MEMO1: variants seen among roughly 807,000 people sequenced by gnomAD.
MEMO1 encodes protein MEMO1.
In MEMO1, 6 loss-of-function variants were observed where a neutral mutation model predicts 45.2. The ratio of observed to expected loss-of-function variants is 0.13; its 90% CI spans 0.07 to 0.26. MEMO1 has a LOEUF of 0.26. MEMO1 is among the 10% of genes least tolerant of loss of function. The pLI, the probability that MEMO1 is intolerant of heterozygous loss-of-function variation, is 1.00. For missense variants in MEMO1, 184 were observed against 370.5 expected (o/e 0.50, Z 4.13); for synonymous variants, 78 against 124.3 (o/e 0.63, Z 2.48).
intron 3 of MEMO1, among the ~76,000 whole-genome samples, chr2:31,933,352 T>TAAAAAAAAAAAAA (rs1558514359): frequency 3.3e-4 from 4 of 12,218 alleles, no homozygotes; most frequent in East Asian, 7.3e-3. Context: ...AAAAAAAATT[T>TAAAAAAAAAAAAA]ATATATATAT....
chr2:31,964,643 G>A (rs1261451806), intron 2 of MEMO1, among the ~76,000 whole-genome samples: 1 of 152,104 alleles, frequency 6.6e-6, no homozygotes, highest in Non-Finnish European at 1.5e-5. Flanking sequence ...GGAGGTTGCG[G>A]TGAGCCGAGA....
intron 4 of MEMO1, among the ~76,000 whole-genome samples, chr2:31,928,479 G>A (rs1026906549): frequency 6.6e-6 from 1 of 151,286 alleles, no homozygotes; most frequent in South Asian, 2.1e-4. Flanking sequence ...CTCAGGAGGC[G>A]GAGGTTGCAG....
chr2:31,973,142 T>G (rs1432214413), intron 2 of MEMO1, among the ~76,000 whole-genome samples: 1 of 152,124 alleles, frequency 6.6e-6, no homozygotes, highest in African/African-American at 2.4e-5. Flanking sequence ...AATTCCACTC[T>G]TAGGTATATA....
In MEMO1 at chr2:31,902,101, G is replaced by C. The variant is rs183538995; in HGVS notation, c.438-9967C>G. 7.2e-3 allele frequency among the ~76,000 whole-genome samples: 1,092 copies of C among 151,964 alleles called. 14 individuals are homozygous for C. The highest frequency in any genetic ancestry group is 0.025 in the African/African-American group (1,055 of 41,440). On this transcript the variant is annotated intron_variant, in intron 6 of 9. Transcript: ENST00000404530. ...GTTCAACTCCAGCCTGGACAACATAGCAAGACCCCTAATCTTAAAAACAAA... is the reference window on the plus strand; with the variant it reads ...GTTCAACTCCAGCCTGGACAACATACCAAGACCCCTAATCTTAAAAACAAA...
At chr2:31,914,881 T>C (rs1373452119) in intron 6 of MEMO1, among the ~76,000 whole-genome samples, 1 of 149,920 alleles carries the variant, frequency 6.7e-6, no homozygotes, top group Admixed American at 6.7e-5. Flanking sequence ...CCCTTGAGCC[T>C]AGGAGTTCAA....
At chr2:31,912,801 T>C (rs1391359743) in intron 6 of MEMO1, among the ~76,000 whole-genome samples, 1 of 152,114 alleles carries the variant, frequency 6.6e-6, no homozygotes, top group African/African-American at 2.4e-5. Flanking sequence ...ACTGGCTGAG[T>C]AGAACCAGAA....
At chr2:31,974,668 C>T (rs1669796455) in intron 2 of MEMO1, among the ~76,000 whole-genome samples, 1 of 151,704 alleles carries the variant, frequency 6.6e-6, no homozygotes, top group South Asian at 2.1e-4. Flanking sequence ...CCACTTGAAC[C>T]CAGGGGGGCC....
chr2:32,005,213 A>G (rs1243435702), intron 2 of MEMO1, among the ~76,000 whole-genome samples: 2 of 150,384 alleles, frequency 1.3e-5, no homozygotes, highest in Non-Finnish European at 3.0e-5. Context: ...CCAACACTTA[A>G]GGAGGCTGAA....
At chr2:31,956,042 C>T (rs879636530) in intron 2 of MEMO1, among the ~76,000 whole-genome samples, 2 of 152,132 alleles carry the variant, frequency 1.3e-5, no homozygotes, top group Admixed American at 1.3e-4. Context: ...TAAATCTGGA[C>T]CATAAAAAGC....
intron 2 of MEMO1, among the ~76,000 whole-genome samples, chr2:31,998,556 T>C (rs1672880489): frequency 6.6e-6 from 1 of 152,142 alleles, no homozygotes; most frequent in Non-Finnish European, 1.5e-5. Flanking sequence ...ATCCCAGCAC[T>C]TTGGGAGGAC....
intron 4 of MEMO1, among the ~76,000 whole-genome samples, chr2:31,929,441 T>C (rs1683622939): frequency 6.6e-6 from 1 of 152,216 alleles, no homozygotes; most frequent in Non-Finnish European, 1.5e-5. Flanking sequence ...CAATGTCTCA[T>C]AAACATTAAG....
chr2:31,898,316 G>A (rs543647286), intron 6 of MEMO1, among the ~76,000 whole-genome samples: 32 of 152,002 alleles, frequency 2.1e-4, no homozygotes, highest in African/African-American at 4.3e-4. Flanking sequence ...TTAGGGTGTC[G>A]ATTTTAGATC....
At chr2:31,931,536 C>A (rs540673145) in intron 4 of MEMO1, among the ~76,000 whole-genome samples, 1 of 151,018 alleles carries the variant, frequency 6.6e-6, no homozygotes, top group African/African-American at 2.4e-5. Flanking sequence ...AAAAGAGTCT[C>A]AAGTTCCCAG....
rs1471663411 is a variant in MEMO1, at chr2:31,917,828, C to A, written c.437+98G>T. ...TCAATTTTTTATCTCACATCTTAAT[C>A]TCCTTACCCTGATAATTACTAGGAT... On this transcript the variant is annotated intron_variant, in intron 6 of 9. Transcript: ENST00000404530. The A allele has an allele frequency of 4.3e-6, 3 of 698,946 alleles. No homozygotes were observed. In the African/African-American group the frequency reaches 5.9e-5, roughly 14 times the overall value. The allele number at this position is 698,946 out of a possible 1,614,324, so 43.3% of individuals were successfully genotyped here.
intron 8 of MEMO1, 131 bp downstream of exon 8, chr2:31,883,255 G>C (rs1675682005): frequency 1.5e-6 from 1 of 671,470 alleles, no homozygotes; most frequent in East Asian, 2.9e-5. Context: ...TTTATATGAT[G>C]ACACATTGCA....
chr2:31,948,287 A>C lies in MEMO1; in HGVS notation c.62-4904T>G, dbSNP rs1666416053. On this transcript the variant is annotated intron_variant, in intron 2 of 9. Transcript: ENST00000404530. ...ACAAGGGAGCCTTCTAGTGTTGCTG[A>C]AACTATTCTACATATGTAATTTAAA... is the stretch of plus-strand genomic sequence containing the variant. Among the ~76,000 whole-genome samples the C allele has an allele frequency of 2.0e-5, 3 of 152,240 alleles. No individual in the cohort carries two copies. The South Asian group carries it at 6.2e-4, about 31-fold the overall frequency.
rs148881241 is a variant in MEMO1 at position 31,906,846 on chromosome 2, T to A, written c.437+11080A>T. 7.4e-3 allele frequency among the ~76,000 whole-genome samples: 1,129 copies of A among 152,326 alleles called. 15 individuals carry two copies. Among genetic ancestry groups the A allele is most frequent in the African/African-American group, 0.026 (1,091 of 41,570 alleles). On this transcript the variant is annotated intron_variant, in intron 6 of 9. Transcript: ENST00000404530. The stretch of plus-strand genomic sequence containing the variant: ...AATGCCTCCAGCCCCAGGGTGGTGT[T>A]ACGTATGTGTGAAAAGGTAGACAAG...
rs1206767161 is a variant in MEMO1 at position 31,900,123 on chromosome 2, G to A, written c.438-7989C>T. 2.6e-5 allele frequency among the ~76,000 whole-genome samples: 4 copies of A among 152,178 alleles called. No individual in the cohort carries two copies. In the East Asian group the frequency reaches 5.8e-4, roughly 22 times the overall value. On this transcript the variant is annotated intron_variant, in intron 6 of 9. Transcript: ENST00000404530. ...CAACCATTGCGGAAGACAGTGTGGC[G>A]ATTCCTCAAGGATCTAGAACTAGAA...
At chr2:31,960,332 A>G (rs888746094) in intron 2 of MEMO1, among the ~76,000 whole-genome samples, 3 of 152,222 alleles carry the variant, frequency 2.0e-5, no homozygotes, top group African/African-American at 7.2e-5. Context: ...TAAAAATACT[A>G]GCATTTGGTG....
Sources: gnomAD v4.1 joint callset for allele counts (sites outside exome capture counted in the v4.1 genomes callset) on GRCh38, gnomAD v4.1.1 for gene constraint, MANE v1.5 for transcripts, NCBI Gene and HGNC (gene_info 2026-07-23, HGNC 2026-07-21) for gene names.